SLC14A2: variants seen among roughly 807,000 people sequenced by gnomAD.
SLC14A2 encodes the protein urea transporter 2.
In SLC14A2, 91 loss-of-function variants were observed where a neutral mutation model predicts 104.6. The observed-to-expected ratio is 0.87, with a 90% CI of 0.73 to 1.04. SLC14A2 has a LOEUF of 1.04. Ranked by LOEUF, SLC14A2 falls within the 50% of genes least tolerant of loss-of-function variation. SLC14A2 has a pLI of 0.00. For missense variants in SLC14A2, 1,189 were observed against 1,156.0 expected (o/e 1.03, Z -0.41); for synonymous variants, 476 against 466.4 (o/e 1.02, Z -0.27).
At chr18:45,619,374 T>G in intron 1 of SLC14A2, among the ~76,000 whole-genome samples, 1 of 152,254 alleles carries the variant, frequency 6.6e-6, no homozygotes, top group East Asian at 1.9e-4. Flanking sequence ...GTGAGCCCTT[T>G]GCAGGCAAGG....
chr18:45,442,492 C>G (rs1014130023), intron 1 of SLC14A2, among the ~76,000 whole-genome samples: 1 of 152,166 alleles, frequency 6.6e-6, no homozygotes, highest in Non-Finnish European at 1.5e-5. Context: ...CATCCTCACA[C>G]AGTATTCTCC....
At chr18:45,658,580 CA>C (rs36007266) in intron 10 of SLC14A2, among the ~76,000 whole-genome samples, 40,970 of 136,002 alleles carry the variant, frequency 0.3, 6,470 homozygotes, top group Middle Eastern at 0.44. Flanking sequence ...AACTCCAACT[CA>C]AAAAAAAAAA....
In SLC14A2 at chr18:45,235,989, GTA is replaced by G. The variant is rs1433211727; in HGVS notation, c.-125+22805_-125+22806del. Among the ~76,000 whole-genome samples, 65 of 57,210 alleles carry G rather than the reference GTA, an allele frequency of 1.1e-3. 1 individual carries two copies. The highest frequency in any genetic ancestry group is 1.2e-3 in the East Asian group (3 of 2,422). 37.5% of individuals were successfully genotyped at this position (57,210 alleles called of 152,430 possible). A position where few individuals can be genotyped will look rare whatever the true frequency, so the allele number is the denominator to read the frequency against. On this transcript the variant is annotated intron_variant, in intron 1 of 20. Coordinates refer to the SLC14A2 transcript ENST00000586448. ...TATACATATATGTGTGTATATATGT[GTA>G]TATATACATATATGTGTGTATATAT...
chr18:45,554,565 A>G (rs945517142), intron 2 of SLC14A2, among the ~76,000 whole-genome samples: 4 of 151,948 alleles, frequency 2.6e-5, no homozygotes, highest in African/African-American at 9.7e-5. Flanking sequence ...GAGCACAATT[A>G]CTGTCTGCGC....
intron 1 of SLC14A2, among the ~76,000 whole-genome samples, chr18:45,355,577 C>CAAAA (rs768389823): frequency 0.28 from 14,213 of 51,010 alleles, 2,159 homozygotes; most frequent in African/African-American, 0.33. Context: ...TACTCTGTCT[C>CAAAA]AAAAAAAAAA....
At chr18:45,396,729 G>T (rs541785647) in intron 1 of SLC14A2, among the ~76,000 whole-genome samples, 4 of 148,502 alleles carry the variant, frequency 2.7e-5, no homozygotes, top group African/African-American at 1.0e-4. Flanking sequence ...AGGTAACCTC[G>T]TGTCATGGGG....
chr18:45,245,672 A>T (rs2084361615), intron 1 of SLC14A2, among the ~76,000 whole-genome samples: 1 of 150,876 alleles, frequency 6.6e-6, no homozygotes, highest in Admixed American at 6.6e-5. Flanking sequence ...AGGTGTTTTC[A>T]GTAAGTGCTG....
chr18:45,421,484 T>C (rs78908958), intron 1 of SLC14A2, among the ~76,000 whole-genome samples: 4,172 of 152,046 alleles, frequency 0.027, 74 homozygotes, highest in Non-Finnish European at 0.043. Context: ...CAGAGAGGAG[T>C]GTGCTAGACC....
intron 1 of SLC14A2, among the ~76,000 whole-genome samples, chr18:45,320,202 G>A (rs1254049672): frequency 6.6e-6 from 1 of 152,180 alleles, no homozygotes; most frequent in Non-Finnish European, 1.5e-5. Context: ...TCCTGGACCT[G>A]TAAGCTAACT....
chr18:45,496,162 C>CT (rs2043093931), intron 2 of SLC14A2, among the ~76,000 whole-genome samples: 2 of 152,186 alleles, frequency 1.3e-5, no homozygotes, highest in Non-Finnish European at 2.9e-5. Flanking sequence ...AAACTCAATT[C>CT]TTAACATACT....
At chr18:45,435,915 T>C (rs2086588520) in intron 1 of SLC14A2, among the ~76,000 whole-genome samples, 3 of 152,152 alleles carry the variant, frequency 2.0e-5, no homozygotes, top group African/African-American at 7.2e-5. Context: ...AAATATAAAT[T>C]CCTATATTTA....
At chr18:45,337,225 G>C (rs898860816) in intron 1 of SLC14A2, among the ~76,000 whole-genome samples, 2 of 152,100 alleles carry the variant, frequency 1.3e-5, no homozygotes, top group African/African-American at 2.4e-5. Context: ...GGTCAATTTG[G>C]TAGAGGAGAC....
chr18:45,674,087 A>G (rs1478088644), intron 18 of SLC14A2, among the ~76,000 whole-genome samples: 1 of 152,126 alleles, frequency 6.6e-6, no homozygotes, highest in Non-Finnish European at 1.5e-5. Context: ...GAATTGGGTG[A>G]TTTACGTCTT....
In SLC14A2 at chr18:45,358,426, G is replaced by C. The variant is rs114217738; in HGVS notation, c.-124-124807G>C. ...CCTGCTCCTATAGGCCACTTCTGTC[G>C]GGCTGCTCCTTCTGGAAGCAGTACC... On this transcript the variant is annotated intron_variant, in intron 1 of 20. Transcript: ENST00000586448. Among the ~76,000 whole-genome samples, 1,120 of 152,210 alleles carry C rather than the reference G, an allele frequency of 7.4e-3. 14 individuals are homozygous for C. The highest frequency in any genetic ancestry group is 0.024 in the African/African-American group (1,000 of 41,528).
At chr18:45,547,656 C>T (rs529359347) in intron 2 of SLC14A2, among the ~76,000 whole-genome samples, 1 of 152,154 alleles carries the variant, frequency 6.6e-6, no homozygotes, top group South Asian at 2.1e-4. Flanking sequence ...TCTCCTTGAC[C>T]CTTGGTCTGC....
At chr18:45,668,709 G>A (rs2046077151) in intron 15 of SLC14A2, among the ~76,000 whole-genome samples, 1 of 152,178 alleles carries the variant, frequency 6.6e-6, no homozygotes, top group Non-Finnish European at 1.5e-5. Context: ...GATCTAAATG[G>A]TTTTTGGTCT....
At chr18:45,599,286 A>C (rs897915676) in intron 2 of SLC14A2, among the ~76,000 whole-genome samples, 8 of 152,174 alleles carry the variant, frequency 5.3e-5, no homozygotes, top group Non-Finnish European at 1.2e-4. Flanking sequence ...CTCTTGATCA[A>C]GGGTTCATTT....
At chr18:45,326,357 G>C (rs1253851690) in intron 1 of SLC14A2, among the ~76,000 whole-genome samples, 2 of 151,864 alleles carry the variant, frequency 1.3e-5, no homozygotes, top group East Asian at 3.9e-4. Flanking sequence ...CACCTCCTTT[G>C]GATTCTCTAT....
chr18:45,538,859 T>C (rs1194458885), intron 2 of SLC14A2, among the ~76,000 whole-genome samples: 3 of 150,822 alleles, frequency 2.0e-5, no homozygotes, highest in African/African-American at 7.3e-5. Flanking sequence ...CCTTTTTTTT[T>C]TTTTTTTTTT....
Sources: gnomAD v4.1 joint callset for allele counts (sites outside exome capture counted in the v4.1 genomes callset) on GRCh38, gnomAD v4.1.1 for gene constraint, MANE v1.5 for transcripts, NCBI Gene and HGNC (gene_info 2026-07-23, HGNC 2026-07-21) for gene names.